The following MTR variants were observed in gnomAD, a reference collection of about 807,000 sequenced individuals.
MTR encodes the protein methionine synthase.
MTR carries 84 observed loss-of-function variants against 154.8 expected under a neutral mutation model. The observed-to-expected ratio is 0.54, with a 90% CI of 0.45 to 0.65. The LOEUF (loss-of-function observed/expected upper bound fraction) is 0.65, where lower values mean the gene tolerates loss of function less well. MTR is among the 30% of genes least tolerant of loss of function. The pLI is 0.00. For synonymous variants in MTR, 554 were observed against 553.9 expected, an observed-to-expected ratio of 1.00 and a Z score of 0.00; for missense variants, 1,275 against 1,570.2, an observed-to-expected ratio of 0.81 and a Z score of 3.18.
intron 14 of MTR, among the ~76,000 whole-genome samples, chr1:236,836,648 A>T (rs1373242766): frequency 6.6e-6 from 1 of 152,140 alleles, no homozygotes; most frequent in Non-Finnish European, 1.5e-5. Context: ...GATTCAGCAG[A>T]TTTAAGTTAG....
At chr1:236,842,597 A>G (rs1663318496) in intron 15 of MTR, among the ~76,000 whole-genome samples, 1 of 151,940 alleles carries the variant, frequency 6.6e-6, no homozygotes, top group Non-Finnish European at 1.5e-5. Flanking sequence ...TTTTAAAAAT[A>G]TATATAGCAA....
Position 236,810,561 on chromosome 1 carries a change from C to G in MTR, c.468C>G (p.Ser156=). The change falls in exon 5 of 33, where the codon TCC becomes TCG. Residue 156 remains serine, a synonymous_variant. Coordinates refer to ENST00000366577, the MANE Select transcript of MTR (RefSeq NM_000254.3). ...CGACTAATAAGACACTCTCTGTGTC[C>G]CCATCTGTGGAAAGGCCGGATTATA... ...LGPTNKTLSV[S]PSVERPDYRN... is the part of the protein sequence containing the mutation. 1 of 1,613,748 alleles carries G rather than the reference C, an allele frequency of 6.2e-7. No individual in the cohort carries two copies. The highest frequency in any genetic ancestry group is 8.5e-7 in the Non-Finnish European group (1 of 1,179,806).
chr1:236,805,021 A>G lies in MTR; in HGVS notation c.250-1123A>G, dbSNP rs531823509. Among the ~76,000 whole-genome samples the G allele has an allele frequency of 3.3e-5, 5 of 152,078 alleles. No individual in the cohort carries two copies. The South Asian group carries it at 1.0e-3, about 32-fold the overall frequency. On this transcript the variant is annotated intron_variant, in intron 2 of 32. Coordinates refer to ENST00000366577, the MANE Select transcript of MTR (RefSeq NM_000254.3). ...GCATGTAATAAAGTGGATATATTTT[A>G]GTTTATTTAGCTGTTTCCCTATGGG...
Position 236,863,470 on chromosome 1 carries a change from C to T in MTR, c.2321C>T (p.Thr774Ile), listed in dbSNP as rs201755946. 5.6e-5 allele frequency: 91 copies of T among 1,613,838 alleles called. No individual in the cohort carries two copies. Among genetic ancestry groups the T allele is most frequent in the Non-Finnish European group, 7.3e-5 (86 of 1,179,956 alleles). ...TVEEEDPYQG[T>I]IVLATVKGDV... ...CCTTTCCAGGACCCTTACCAGGGCACCATCGTGCTGGCCACTGTTAAAGGC... is the reference window on the plus strand; with the variant it reads ...CCTTTCCAGGACCCTTACCAGGGCATCATCGTGCTGGCCACTGTTAAAGGC... The change falls in exon 22 of 33, where the codon ACC (threonine) becomes ATC (isoleucine). Residue 774 changes from threonine (T) to isoleucine (I), a missense_variant. Transcript: ENST00000366577.
intron 28 of MTR, among the ~76,000 whole-genome samples, chr1:236,890,644 A>G (rs1666264971): frequency 1.3e-5 from 2 of 152,202 alleles, no homozygotes; most frequent in South Asian, 4.1e-4. Flanking sequence ...GAAGGCCCCA[A>G]ATTGAAGAAT....
At position 236,841,081 on chromosome 1, in the gene MTR, G is replaced by A. The variant is rs1308791848; in HGVS notation, c.1515+2482G>A. On this transcript the variant is annotated intron_variant, in intron 15 of 32. Coordinates refer to ENST00000366577, the MANE Select transcript of MTR (RefSeq NM_000254.3). ...AGCCTTCAGCCTTCTAGATCCTGAG[G>A]CACCCACGTTCAGCTTTTTAAGCTG... 1.1e-4 allele frequency among the ~76,000 whole-genome samples: 17 copies of A among 152,122 alleles called. 1 individual carries two copies. The highest frequency in any genetic ancestry group is 1.0e-3 in the Admixed American group (16 of 15,272).
At chr1:236,820,867 T>C (rs1248224005) in intron 8 of MTR, among the ~76,000 whole-genome samples, 1 of 152,228 alleles carries the variant, frequency 6.6e-6, no homozygotes, top group Non-Finnish European at 1.5e-5. Flanking sequence ...TATAGTGGTA[T>C]CTTGTTGTAT....
At chr1:236,869,550 A>G (rs139410039) in intron 22 of MTR, among the ~76,000 whole-genome samples, 17 of 152,336 alleles carry the variant, frequency 1.1e-4, no homozygotes, top group Admixed American at 1.0e-3. Flanking sequence ...CTTCCGTAAC[A>G]TTCATTTTTA....
intron 15 of MTR, among the ~76,000 whole-genome samples, chr1:236,848,217 C>T (rs772972719): frequency 3.7e-4 from 56 of 152,124 alleles, no homozygotes; most frequent in Non-Finnish European, 6.5e-4. Context: ...ACAAGCAGGG[C>T]TGTCTTTGGT....
At chr1:236,873,668 G>A (rs187677314) in intron 22 of MTR, 105 bp from the exon 23 acceptor site, 113 of 928,578 alleles carry the variant, frequency 1.2e-4, no homozygotes, top group African/African-American at 6.5e-4. Flanking sequence ...CTTGATTCTC[G>A]TTTACATTAG....
At chr1:236,849,326 C>G (rs1204165805) in intron 15 of MTR, among the ~76,000 whole-genome samples, 1 of 152,026 alleles carries the variant, frequency 6.6e-6, no homozygotes, top group Admixed American at 6.6e-5. Flanking sequence ...TACCAATTAA[C>G]AAGTAATAAA....
rs1664526437 is a variant in MTR at position 236,861,199 on chromosome 1, T to C, written c.2118T>C (p.Asn706=). The C allele has an allele frequency of 6.2e-7, 1 of 1,610,636 alleles. No individual in the cohort carries two copies. ...LNQKKYPRPL[N]IIEGPLMNGM... is the part of the protein sequence containing the mutation. ...AAAAAAAATATCCCCGACCTCTCAA[T>C]ATAATTGAAGGACCCCTGATGAATG... is the stretch of plus-strand genomic sequence containing the variant. The change falls in exon 20 of 33, where the codon AAT becomes AAC. Residue 706 remains asparagine (N), a synonymous_variant. Transcript: ENST00000366577.
intron 21 of MTR, among the ~76,000 whole-genome samples, chr1:236,862,973 T>G (rs1273851197): frequency 3.9e-5 from 6 of 152,282 alleles, no homozygotes; most frequent in South Asian, 2.1e-4. Context: ...TTTCTTTTTT[T>G]GGGGCAGTAG....
chr1:236,815,743 A>G, intron 7 of MTR, 80 bp downstream of exon 7: 3 of 1,358,492 alleles, frequency 2.2e-6, no homozygotes, highest in Non-Finnish European at 2.1e-6. Context: ...CGCTTTGCAT[A>G]GTAGAACTAT....
intron 23 of MTR, 51 bp from the exon 24 acceptor site, chr1:236,874,675 T>C (rs1379935847): frequency 2.8e-6 from 4 of 1,444,214 alleles, no homozygotes. Context: ...TTTTCTTTCA[T>C]CTTCCTCACT....
chr1:236,868,777 G>C (rs950092441), intron 22 of MTR, among the ~76,000 whole-genome samples: 3 of 152,182 alleles, frequency 2.0e-5, no homozygotes, highest in Non-Finnish European at 2.9e-5. Flanking sequence ...ATATGGCTGA[G>C]CATGAAAATA....
At chr1:236,834,260 A>G (rs1259364387) in intron 13 of MTR, among the ~76,000 whole-genome samples, 1 of 152,124 alleles carries the variant, frequency 6.6e-6, no homozygotes, top group East Asian at 1.9e-4. Context: ...GCTCACTGCA[A>G]CCTCCATCTC....
chr1:236,816,802 GT>G (rs1661623103), intron 8 of MTR, among the ~76,000 whole-genome samples: 1 of 152,196 alleles, frequency 6.6e-6, no homozygotes, highest in South Asian at 2.1e-4. Context: ...GCCCCTTATA[GT>G]TTGCAGTGCT....
chr1:236,796,426 A>T lies in MTR; in HGVS notation c.34+689A>T, dbSNP rs79475259. Among the ~76,000 whole-genome samples, 1,024 of 152,340 alleles carry T rather than the reference A, an allele frequency of 6.7e-3. 11 individuals carry two copies. Among genetic ancestry groups the T allele is most frequent in the African/African-American group, 0.021 (887 of 41,580 alleles). On this transcript the variant is annotated intron_variant, in intron 1 of 32. Transcript: ENST00000366577. ...CTCTAGATCTCTAAGGTCATGCCTG[A>T]TTATAATTTGAGGACAAATACACCC...
Sources: gnomAD v4.1 joint callset for allele counts (sites outside exome capture counted in the v4.1 genomes callset) on GRCh38, gnomAD v4.1.1 for gene constraint, MANE v1.5 for transcripts, NCBI Gene and HGNC (gene_info 2026-07-23, HGNC 2026-07-21) for gene names.